The following MME variants were observed in gnomAD, a reference collection of about 807,000 sequenced individuals.
MME encodes the protein neprilysin.
Under a neutral mutation model 113.2 loss-of-function variants are expected in MME, and 98 were observed. The observed-to-expected ratio is 0.87, with a 90% confidence interval of 0.74 to 1.02. The LOEUF (loss-of-function observed/expected upper bound fraction) is 1.02, where lower values mean the gene tolerates loss of function less well. Among genes scored for constraint, MME ranks in the 50% least tolerant of loss-of-function variants. The probability of loss-of-function intolerance (pLI) is 0.00; values close to 1 mark genes in which losing one functional copy is unlikely to be tolerated. For synonymous variants in MME, 292 were observed against 300.6 expected (o/e 0.97, Z 0.30); for missense variants, 836 against 896.0 (o/e 0.93, Z 0.86).
chr3:155,162,961 T>G (rs1722819630), intron 17 of MME, among the ~76,000 whole-genome samples: 1 of 141,208 alleles, frequency 7.1e-6, no homozygotes, highest in South Asian at 2.2e-4. Flanking sequence ...TGCAATGAGC[T>G]GAGATCATGC....
chr3:155,160,709 T>C (rs965419785), intron 17 of MME, among the ~76,000 whole-genome samples: 3 of 152,078 alleles, frequency 2.0e-5, no homozygotes, highest in Non-Finnish European at 4.4e-5. Flanking sequence ...TTATCTTATT[T>C]CTAAATATTT....
chr3:155,046,562 C>T (rs1358454207), intron 1 of MME, among the ~76,000 whole-genome samples: 1 of 152,102 alleles, frequency 6.6e-6, no homozygotes, highest in East Asian at 1.9e-4. Context: ...TGGTGGTGGG[C>T]ACCTGTAATC....
intron 3 of MME, among the ~76,000 whole-genome samples, chr3:155,104,635 C>T (rs1044834049): frequency 5.9e-5 from 9 of 152,168 alleles, no homozygotes; most frequent in Non-Finnish European, 1.2e-4. Flanking sequence ...TCCAAAATAA[C>T]ACAATGTTTA....
chr3:155,172,090 T>G, intron 20 of MME, 27 bp from the exon 21 acceptor site: 1 of 1,286,178 alleles, frequency 7.8e-7, no homozygotes, highest in Non-Finnish European at 1.1e-6. Flanking sequence ...TTAATATTAT[T>G]GTTTTTCTAT....
At chr3:155,105,199 T>G (rs1303101132) in intron 3 of MME, among the ~76,000 whole-genome samples, 1 of 152,192 alleles carries the variant, frequency 6.6e-6, no homozygotes, top group African/African-American at 2.4e-5. Context: ...ACATGAGATT[T>G]CTGTGATTAT....
intron 16 of MME, among the ~76,000 whole-genome samples, chr3:155,148,869 CA>C (rs1397048522): frequency 1.3e-5 from 2 of 152,164 alleles, no homozygotes; most frequent in African/African-American, 4.8e-5. Context: ...AAGGTATCCT[CA>C]AATTTACATG....
At position 155,180,529 on chromosome 3, in the gene MME, G is replaced by C; in HGVS notation, c.*70G>C. 8.3e-7 allele frequency: 1 copy of C among 1,202,916 alleles called. No homozygotes were observed. Among genetic ancestry groups the C allele is most frequent in the African/African-American group, 1.5e-5 (1 of 66,822 alleles). The allele number at this position is 1,202,916 out of a possible 1,614,324, so 74.5% of individuals were successfully genotyped here. A position where few individuals can be genotyped will look rare whatever the true frequency, so the allele number is the denominator to read the frequency against. On this transcript the variant is annotated 3_prime_UTR_variant, in exon 23 of 23. Transcript: ENST00000360490. The stretch of plus-strand genomic sequence containing the variant: ...CACAGAAATGGGGAATTCTCTAATC[G>C]AAAGAAAATGGGCCCTAGGGGTCAC...
chr3:155,140,187 ATAGGC>A lies in MME; in HGVS notation c.856-1_859del. 6.2e-7 allele frequency: 1 copy of A among 1,600,438 alleles called. No individual in the cohort carries two copies. Among genetic ancestry groups the A allele is most frequent in the Non-Finnish European group, 8.5e-7 (1 of 1,169,752 alleles). On this transcript the variant is annotated splice_acceptor_variant and splice_polypyrimidine_tract_variant and coding_sequence_variant and intron_variant, in exon 10 of 23. Coordinates refer to ENST00000360490, the MANE Select transcript of MME (RefSeq NM_007289.4). LOFTEE classifies it high-confidence loss of function. Reference sequence around the variant, plus strand: ...AAAATAATGATTAAAAATTAAATCCATAGGCTACGGCTAAACCTGAAGATCGAAAT... The same window carrying A: ...AAAATAATGATTAAAAATTAAATCCATACGGCTAAACCTGAAGATCGAAAT...
intron 16 of MME, among the ~76,000 whole-genome samples, chr3:155,150,018 T>A (rs530553425): frequency 6.6e-6 from 1 of 152,212 alleles, no homozygotes; most frequent in African/African-American, 2.4e-5. Context: ...CAAAAAGTTA[T>A]GCAAAATAAT....
upstream of MME, among the ~76,000 whole-genome samples, chr3:155,078,649 ATGTGTGTGTATGTG>A (rs1714857814): frequency 7.7e-6 from 1 of 130,690 alleles, no homozygotes; most frequent in African/African-American, 2.9e-5. Flanking sequence ...GAGTGTGAAT[ATGTGTGTGTATGTG>A]TGTGTGTGTG....
chr3:155,161,713 A>T (rs1042238634), intron 17 of MME, among the ~76,000 whole-genome samples: 1 of 152,186 alleles, frequency 6.6e-6, no homozygotes, highest in Non-Finnish European at 1.5e-5. Context: ...TATATAAAGT[A>T]ACCAGAAAAG....
intron 3 of MME, among the ~76,000 whole-genome samples, chr3:155,102,831 G>GCATGCCGAAAC (rs1717370185): frequency 6.6e-6 from 1 of 152,130 alleles, no homozygotes; most frequent in African/African-American, 2.4e-5. Flanking sequence ...AGGGCTCCCA[G>GCATGCCGAAAC]CATGCCGAAA....
intron 4 of MME, among the ~76,000 whole-genome samples, chr3:155,115,946 C>T (rs558113912): frequency 1.3e-5 from 2 of 152,208 alleles, no homozygotes; most frequent in East Asian, 3.9e-4. Context: ...GTTCTCTGTT[C>T]TCCCCTCTTC....
intron 1 of MME, among the ~76,000 whole-genome samples, chr3:155,054,351 T>C (rs553859833): frequency 3.9e-5 from 6 of 152,338 alleles, no homozygotes; most frequent in Non-Finnish European, 7.3e-5. Context: ...TTTTGGAACA[T>C]TCTTCCTCTC....
rs74605201 is a variant in MME, at chr3:155,155,427, C to T, written c.1602-4963C>T. Among the ~76,000 whole-genome samples, 907 of 152,250 alleles carry T rather than the reference C, an allele frequency of 6.0e-3. 4 individuals carry two copies. Among genetic ancestry groups the T allele is most frequent in the African/African-American group, 0.021 (859 of 41,548 alleles). ...TTCTGACAGCCACCACTCTCTATGA[C>T]GTGCATAGCAATGGTGCCCTCTGCC... is the stretch of plus-strand genomic sequence containing the variant. On this transcript the variant is annotated intron_variant, in intron 16 of 22. Coordinates refer to ENST00000360490, the MANE Select transcript of MME (RefSeq NM_007289.4).
chr3:155,177,477 C>T lies in MME; in HGVS notation c.2154-2883C>T, dbSNP rs559255288. On this transcript the variant is annotated intron_variant, in intron 22 of 22. Transcript: ENST00000360490. ...AATGCAAATTCCTAATTTCTAAGCT[C>T]TTTTAATTCCTACATAAACAGTCAC... 5.3e-5 allele frequency among the ~76,000 whole-genome samples: 8 copies of T among 152,294 alleles called. No individual in the cohort carries two copies. In the South Asian group the frequency reaches 1.5e-3, roughly 28 times the overall value.
chr3:155,147,718 A>T (rs1721627608), intron 15 of MME, among the ~76,000 whole-genome samples: 1 of 152,232 alleles, frequency 6.6e-6, no homozygotes, highest in African/African-American at 2.4e-5. Flanking sequence ...AGAGTTGCTT[A>T]AAGTCACTGC....
chr3:155,046,880 T>A (rs1713579241), intron 1 of MME, among the ~76,000 whole-genome samples: 3 of 152,174 alleles, frequency 2.0e-5, no homozygotes, highest in Admixed American at 2.0e-4. Flanking sequence ...GAAAAATAAT[T>A]TTTGTACAAT....
At chr3:155,046,063 A>G (rs79037824) in intron 1 of MME, among the ~76,000 whole-genome samples, 8,652 of 152,168 alleles carry the variant, frequency 0.057, 316 homozygotes, top group Non-Finnish European at 0.086. Flanking sequence ...TTCTTCAACT[A>G]GCTTTTGTGC....
Sources: allele counts gnomAD v4.1 joint callset (sites outside exome capture counted in the v4.1 genomes callset), GRCh38; gene constraint gnomAD v4.1.1; transcripts MANE v1.5; gene names NCBI Gene and HGNC (gene_info 2026-07-23, HGNC 2026-07-21).